The following PCDH11X variants were observed in gnomAD, a reference collection of about 807,000 sequenced individuals.
PCDH11X encodes the protein protocadherin 11 X-linked, also known as protocadherin-11 X-linked.
PCDH11X carries 18 observed loss-of-function variants against 53.3 expected under a neutral mutation model. That is an observed-to-expected ratio of 0.34 (90% CI 0.23 to 0.50). PCDH11X has a LOEUF of 0.50. PCDH11X is among the 20% of genes least tolerant of loss of function. The pLI, the probability that PCDH11X is intolerant of heterozygous loss-of-function variation, is 0.98. For missense variants in PCDH11X, 570 were observed against 1,032.4 expected (o/e 0.55, Z 6.14); for synonymous variants, 279 against 393.3 (o/e 0.71, Z 3.44).
At chrX:92,290,519 C>T (rs908358497) in intron 8 of PCDH11X, among the ~76,000 whole-genome samples, 3 of 112,332 alleles carry the variant, frequency 2.7e-5, no homozygotes, top group African/African-American at 6.5e-5. Flanking sequence ...AACATATCAG[C>T]GTGTTGACTT....
intron 6 of PCDH11X, among the ~76,000 whole-genome samples, chrX:92,179,358 A>G (rs1374061445): frequency 8.9e-6 from 1 of 112,185 alleles, no homozygotes; most frequent in Non-Finnish European, 1.9e-5. Flanking sequence ...TCTTTTCAAA[A>G]GTATTTTTGC....
chrX:92,105,564 G>A (rs756202483), intron 6 of PCDH11X, among the ~76,000 whole-genome samples: 4 of 108,684 alleles, frequency 3.7e-5, no homozygotes, highest in African/African-American at 1.0e-4. Flanking sequence ...GGGTGGGGCC[G>A]TTTTATAAGA....
chrX:92,499,854 AAAGAAAGAAAG>A (rs763628944), intron 10 of PCDH11X, among the ~76,000 whole-genome samples: 1 of 106,675 alleles, frequency 9.4e-6, no homozygotes, highest in South Asian at 4.3e-4. Context: ...AGAATGAATG[AAAGAAAGAAAG>A]AAGAAAGAAA....
At chrX:91,818,598 G>A (rs1463471473) in intron 4 of PCDH11X, among the ~76,000 whole-genome samples, 2 of 109,873 alleles carry the variant, frequency 1.8e-5, no homozygotes, top group East Asian at 2.9e-4. Flanking sequence ...CCAGCTACTC[G>A]GGAGGCTGAG....
intron 9 of PCDH11X, chrX:92,460,630 G>A: frequency 2.4e-6 from 2 of 833,538 alleles, no homozygotes; most frequent in East Asian, 3.3e-5. Context: ...AGAACAACCC[G>A]AGGGAGGTGG....
chrX:92,073,622 A>G (rs1031858539), intron 6 of PCDH11X, among the ~76,000 whole-genome samples: 15 of 112,545 alleles, frequency 1.3e-4, no homozygotes, highest in African/African-American at 4.8e-4. Flanking sequence ...GCAATGGAAG[A>G]GCAATATACT....
intron 6 of PCDH11X, among the ~76,000 whole-genome samples, chrX:92,133,374 T>C (rs938315711): frequency 9.0e-6 from 1 of 111,510 alleles, no homozygotes; most frequent in Non-Finnish European, 1.9e-5. Flanking sequence ...ATTTTTTTTC[T>C]TTGTTTCTTT....
intron 10 of PCDH11X, among the ~76,000 whole-genome samples, chrX:92,544,279 T>C (rs981769257): frequency 1.8e-5 from 2 of 111,973 alleles, no homozygotes; most frequent in Non-Finnish European, 3.8e-5. Flanking sequence ...AGCTAGCTTT[T>C]TTTCTTAGGT....
chrX:92,113,160 G>A, intron 6 of PCDH11X: 1 of 961,230 alleles, frequency 1.0e-6, no homozygotes. Context: ...TCTATCCCTT[G>A]GCTCCCTTCC....
At chrX:92,096,811 T>C (rs779803096) in intron 6 of PCDH11X, among the ~76,000 whole-genome samples, 1 of 111,094 alleles carries the variant, frequency 9.0e-6, no homozygotes, top group East Asian at 2.9e-4. Flanking sequence ...TCCCACAACA[T>C]GTGGGAATTA....
At chrX:92,606,403 A>C (rs1487171380) in intron 10 of PCDH11X, among the ~76,000 whole-genome samples, 1 of 109,169 alleles carries the variant, frequency 9.2e-6, no homozygotes, top group Non-Finnish European at 1.9e-5. Context: ...ATTGATTTTC[A>C]GCCAATTAAA....
At chrX:92,318,603 C>T (rs1483516158) in intron 8 of PCDH11X, among the ~76,000 whole-genome samples, 3 of 111,474 alleles carry the variant, frequency 2.7e-5, no homozygotes, top group Admixed American at 9.5e-5. Context: ...GAGGTCAGTG[C>T]TTGACATCAT....
intron 10 of PCDH11X, among the ~76,000 whole-genome samples, chrX:92,588,284 A>C (rs1924620106): frequency 1.0e-5 from 1 of 96,942 alleles, no homozygotes; most frequent in African/African-American, 3.8e-5. Flanking sequence ...AAATCCTGAA[A>C]ATGTTTATTA....
At chrX:92,324,241 T>G in intron 8 of PCDH11X, among the ~76,000 whole-genome samples, 1 of 110,931 alleles carries the variant, frequency 9.0e-6, no homozygotes, top group African/African-American at 3.3e-5. Flanking sequence ...TGCCCTACCC[T>G]GTTGGCTAGA....
At chrX:91,959,024 C>T (rs1235401511) in intron 6 of PCDH11X, among the ~76,000 whole-genome samples, 2 of 106,751 alleles carry the variant, frequency 1.9e-5, no homozygotes, top group Non-Finnish European at 3.9e-5. Context: ...TCCTAGCTAT[C>T]GGTAGTGTCA....
At position 91,978,979 on chromosome X, in the gene PCDH11X, C is replaced by T. The variant is rs1250077163; in HGVS notation, c.3033+99706C>T. Reference sequence around the variant, plus strand: ...TCTGCATTTATTATTGTATATGAGCCTTCCACAAGGGCATTTTTGTCTGTT... The same window carrying T: ...TCTGCATTTATTATTGTATATGAGCTTTCCACAAGGGCATTTTTGTCTGTT... On this transcript the variant is annotated intron_variant, in intron 6 of 10. Coordinates refer to ENST00000682573, the MANE Select transcript of PCDH11X (RefSeq NM_032968.5). Among the ~76,000 whole-genome samples the T allele has an allele frequency of 5.4e-5, 6 of 111,338 alleles. No individual in the cohort carries two copies. The East Asian group carries it at 1.7e-3, about 31-fold the overall frequency.
chrX:92,159,394 G>A (rs978621838), intron 6 of PCDH11X, among the ~76,000 whole-genome samples: 7 of 105,674 alleles, frequency 6.6e-5, no homozygotes, highest in Non-Finnish European at 3.9e-5. Flanking sequence ...TTTGTATAGT[G>A]TAAACTCATT....
chrX:92,484,750 G>T (rs1254396429), intron 10 of PCDH11X, among the ~76,000 whole-genome samples: 1 of 110,678 alleles, frequency 9.0e-6, no homozygotes, highest in Non-Finnish European at 1.9e-5. Flanking sequence ...GGAGAGGGGT[G>T]AGAAATAAAA....
rs561507772 is a variant in PCDH11X, at chrX:91,901,269, G to A, written c.3033+21996G>A. On this transcript the variant is annotated intron_variant, in intron 6 of 10. Coordinates refer to ENST00000682573, the MANE Select transcript of PCDH11X (RefSeq NM_032968.5). Reference sequence around the variant, plus strand: ...CTCAACTAACCTGCCCAACTACCTGGTAGGCAAGTAATGTTGGCACATCAC... The same window carrying A: ...CTCAACTAACCTGCCCAACTACCTGATAGGCAAGTAATGTTGGCACATCAC... Among the ~76,000 whole-genome samples, 149 of 111,545 alleles carry A rather than the reference G, an allele frequency of 1.3e-3. 3 individuals carry two copies. The South Asian group carries it at 0.056, about 42-fold the overall frequency.
Sources: gnomAD v4.1 joint callset for allele counts (sites outside exome capture counted in the v4.1 genomes callset) on GRCh38, gnomAD v4.1.1 for gene constraint, MANE v1.5 for transcripts, NCBI Gene and HGNC (gene_info 2026-07-23, HGNC 2026-07-21) for gene names.